The following GLT6D1 variants were observed in gnomAD, a reference collection of about 807,000 sequenced individuals.
The protein encoded by GLT6D1 is glycosyltransferase 6 domain containing 1.
In GLT6D1, 9 loss-of-function variants were observed where a neutral mutation model predicts 12.3. The observed-to-expected ratio is 0.73, with a 90% CI of 0.44 to 1.27. The LOEUF (loss-of-function observed/expected upper bound fraction) is 1.27. GLT6D1 is among the 50% of genes most tolerant of loss of function. GLT6D1 has a pLI of 0.00. For missense variants in GLT6D1, 335 were observed against 346.2 expected, an observed-to-expected ratio of 0.97 and a Z score of 0.26; for synonymous variants, 128 against 132.3, an observed-to-expected ratio of 0.97 and a Z score of 0.23.
chr9:135,636,769 C>T (rs972249824), intron 2 of GLT6D1, among the ~76,000 whole-genome samples: 3 of 152,178 alleles, frequency 2.0e-5, no homozygotes, highest in African/African-American at 7.2e-5. Flanking sequence ...CAGCACGCAG[C>T]CTTTTCAGAT....
At chr9:135,631,617 G>A in intron 2 of GLT6D1, 139 bp from the exon 3 acceptor site, 2 of 708,700 alleles carry the variant, frequency 2.8e-6, no homozygotes, top group Middle Eastern at 2.4e-4. Context: ...CCAGAGAAGA[G>A]ATATCTCAGC....
chr9:135,640,730 G>GA (rs1233858778), upstream of GLT6D1, among the ~76,000 whole-genome samples: 1 of 151,192 alleles, frequency 6.6e-6, no homozygotes, highest in Non-Finnish European at 1.5e-5. Context: ...AAAAAAAAAA[G>GA]AAAAAAAGGA....
Position 135,639,193 on chromosome 9 carries a change from C to T in GLT6D1, c.-6G>A, listed in dbSNP as rs1252563240. 2.0e-6 allele frequency: 3 copies of T among 1,527,494 alleles called. No homozygotes were observed. The highest frequency in any genetic ancestry group is 1.8e-5 in the Admixed American group (1 of 56,484). The allele number at this position is 1,527,494 out of a possible 1,614,324, so 94.6% of individuals were successfully genotyped here. On this transcript the variant is annotated splice_region_variant and 5_prime_UTR_variant, in exon 2 of 5. Transcript: ENST00000371763. ...AGCATTCTTTTAGAATTCATTCTCT[C>T]CTAGGGAAAGAAGGAGAAAAAATTA...
rs1376825143 is a variant in GLT6D1, at chr9:135,631,468, C to G, written c.82G>C (p.Val28Leu). The G allele has an allele frequency of 6.2e-7, 1 of 1,611,002 alleles. No homozygotes were observed. The highest frequency in any genetic ancestry group is 1.1e-5 in the South Asian group (1 of 91,014). ...LVERYFRNHQ[V>L]EELRLSDWFH... ...CAGTCTGAGAGCCGAAGTTCTTCTA[C>G]TTGGTGATTCCTGGATACAAAGAGA... is the stretch of plus-strand genomic sequence containing the variant. The change falls in exon 3 of 5, where the codon GTA becomes CTA. Residue 28 changes from valine to leucine, a missense_variant. Transcript: ENST00000371763.
upstream of GLT6D1, among the ~76,000 whole-genome samples, chr9:135,640,297 G>A (rs148905298): frequency 0.01 from 1,555 of 152,262 alleles, 12 homozygotes; most frequent in Non-Finnish European, 0.014. Flanking sequence ...TCGATCACAG[G>A]TGAAACGGTA....
chr9:135,635,284 T>C (rs28529624), intron 2 of GLT6D1, among the ~76,000 whole-genome samples: 7,176 of 152,298 alleles, frequency 0.047, 271 homozygotes, highest in African/African-American at 0.1. Context: ...CCATGTCCCA[T>C]TTAAGTGACA....
intron 2 of GLT6D1, 97 bp from the exon 3 acceptor site, chr9:135,631,575 C>G: frequency 1.1e-6 from 1 of 892,034 alleles, no homozygotes; most frequent in Non-Finnish European, 1.9e-6. Flanking sequence ...CGTCAACATG[C>G]ATCAACCCAA....
rs778645341 is a variant in GLT6D1, at chr9:135,639,127, G to T, written c.61C>A (p.Arg21Ser). 1 of 1,558,288 alleles carries T rather than the reference G, an allele frequency of 6.4e-7. No individual in the cohort carries two copies. Among genetic ancestry groups the T allele is most frequent in the Non-Finnish European group, 8.8e-7 (1 of 1,130,776 alleles). The change falls in exon 2 of 5, where the codon CGT (arginine) becomes AGT (serine). Residue 21 changes from arginine (R) to serine (S), a missense_variant. Physicochemically the swap from Arg to Ser is moderately radical, Grantham distance 110. Coordinates refer to ENST00000371763, the MANE Select transcript of GLT6D1 (RefSeq NM_182974.3). Reference protein sequence around the residue: ...LFAFSLMLVERYFRNHQVEEL... With the variant: ...LFAFSLMLVESYFRNHQVEEL... ...ATACTTTATATTTACCTGAAATAAC[G>T]CTCAACCAACATCAGTGAAAAAGCA...
At position 135,624,293 on chromosome 9, in the gene GLT6D1, G is replaced by C. The variant is rs370842340; in HGVS notation, c.635C>G (p.Pro212Arg). 2 of 1,605,094 alleles carry C rather than the reference G, an allele frequency of 1.2e-6. No individual in the cohort carries two copies. Among genetic ancestry groups the C allele is most frequent in the Non-Finnish European group, 1.7e-6 (2 of 1,175,476 alleles). The change falls in exon 5 of 5, where the codon CCG becomes CGG. Residue 212 changes from proline to arginine, a missense_variant. Coordinates refer to ENST00000371763, the MANE Select transcript of GLT6D1 (RefSeq NM_182974.3). The stretch of plus-strand genomic sequence containing the variant: ...AAACGGGATGCAAGCTGCTGAGGTC[G>C]GCCTCCTCTCATAAGGGAAGTTCTT... ...NTKNFPYERR[P>R]TSAACIPFGQ...
chr9:135,631,256 C>T (rs533046367), intron 3 of GLT6D1, among the ~76,000 whole-genome samples, 175 bp downstream of exon 3: 5 of 152,340 alleles, frequency 3.3e-5, no homozygotes, highest in East Asian at 1.9e-4. Flanking sequence ...CCACAATCAT[C>T]GCCTGGTTCT....
intron 3 of GLT6D1, 57 bp from the exon 4 acceptor site, chr9:135,626,263 G>A: frequency 1.3e-6 from 2 of 1,591,248 alleles, no homozygotes; most frequent in Non-Finnish European, 1.7e-6. Context: ...CCGGCAGCAG[G>A]TGCCGAGCAG....
chr9:135,637,712 T>A (rs1404190805), intron 2 of GLT6D1, among the ~76,000 whole-genome samples: 1 of 152,226 alleles, frequency 6.6e-6, no homozygotes, highest in Non-Finnish European at 1.5e-5. Context: ...TTCTATTCAG[T>A]TCTTTTGCTC....
intron 3 of GLT6D1, among the ~76,000 whole-genome samples, chr9:135,627,740 C>A (rs1188841427): frequency 2.0e-5 from 3 of 152,154 alleles, no homozygotes; most frequent in Admixed American, 6.5e-5. Context: ...GAGGAACTGA[C>A]AAACTGTCTT....
In GLT6D1 at chr9:135,631,423, G is replaced by T; in HGVS notation, c.119+8C>A. On this transcript the variant is annotated splice_region_variant and intron_variant, in intron 3 of 4. Transcript: ENST00000371763. Reference sequence around the variant, plus strand: ...TGTGTGCATGTAAACAGGCATTTTTGTTCTTACCTAGGATGAAACCAGTCT... The same window carrying T: ...TGTGTGCATGTAAACAGGCATTTTTTTTCTTACCTAGGATGAAACCAGTCT... The T allele has an allele frequency of 6.2e-7, 1 of 1,604,926 alleles. No individual in the cohort carries two copies.
chr9:135,624,467 A>G lies in GLT6D1; in HGVS notation c.461T>C (p.Leu154Pro), dbSNP rs779262003. ...GATGTGACTGGCGATGTGTTCACCC[A>G]GGCTCTTCACATGCACCAGGGGGCC... ...LDGPLVHVKS[L>P]GEHIASHIQD... Residue 154 changes from leucine to proline, a missense_variant, in exon 5 of 5, where the codon CTG (leucine) becomes CCG (proline). Physicochemically the swap from Leu to Pro is moderately conservative, Grantham distance 98. Transcript: ENST00000371763. 1.2e-6 allele frequency: 2 copies of G among 1,614,012 alleles called. No individual in the cohort carries two copies. The highest frequency in any genetic ancestry group is 2.2e-5 in the South Asian group (2 of 91,064).
In GLT6D1 at chr9:135,631,471, G is replaced by A. The variant is rs774582482; in HGVS notation, c.79C>T (p.Gln27Ter). 1.9e-6 allele frequency: 3 copies of A among 1,609,880 alleles called. No individual in the cohort carries two copies. The highest frequency in any genetic ancestry group is 2.6e-6 in the Non-Finnish European group (3 of 1,176,162). ...MLVERYFRNH[Q>*]VEELRLSDWF... The stretch of plus-strand genomic sequence containing the variant: ...TCTGAGAGCCGAAGTTCTTCTACTT[G>A]GTGATTCCTGGATACAAAGAGAAAA... The change falls in exon 3 of 5, where the codon CAA (glutamine) becomes TAA (stop). Residue 27 changes from glutamine to a stop codon, truncating the protein, a stop_gained. Coordinates refer to ENST00000371763, the MANE Select transcript of GLT6D1 (RefSeq NM_182974.3). LOFTEE classifies it high-confidence loss of function.
At chr9:135,638,828 T>C (rs886467869) in intron 2 of GLT6D1, among the ~76,000 whole-genome samples, 4 of 152,234 alleles carry the variant, frequency 2.6e-5, no homozygotes, top group Non-Finnish European at 4.4e-5. Context: ...CTCAGCAGTT[T>C]AGATTATCTC....
rs781098894 is a variant in GLT6D1, at chr9:135,624,151, A to G, written c.777T>C (p.Asn259=). The change falls in exon 5 of 5, where the codon AAT becomes AAC. Residue 259 remains asparagine (N), a synonymous_variant. Coordinates refer to ENST00000371763, the MANE Select transcript of GLT6D1 (RefSeq NM_182974.3). ...TGTTAAGGTGCTTTTCATAAGTGCT[A>G]TTGAGTCCATTTTTGATGTCATGAA... ...GVIHDIKNGL[N]STYEKHLNKY... is the part of the protein sequence containing the mutation. The G allele has an allele frequency of 5.6e-6, 9 of 1,613,624 alleles. No individual in the cohort carries two copies. Among genetic ancestry groups the G allele is most frequent in the South Asian group, 1.1e-5 (1 of 90,980 alleles).
chr9:135,635,024 A>T (rs925770094), intron 2 of GLT6D1, among the ~76,000 whole-genome samples: 14 of 152,176 alleles, frequency 9.2e-5, no homozygotes, highest in African/African-American at 3.1e-4. Context: ...GAATCTACAG[A>T]CATGATTTGG....
Sources: allele counts gnomAD v4.1 joint callset (sites outside exome capture counted in the v4.1 genomes callset), GRCh38; gene constraint gnomAD v4.1.1; transcripts MANE v1.5; gene names NCBI Gene and HGNC (gene_info 2026-07-23, HGNC 2026-07-21).